The following DLG1 variants were observed in gnomAD, a reference collection of about 807,000 sequenced individuals.
The protein encoded by DLG1 is disks large homolog 1.
In DLG1, 42 loss-of-function variants were observed where a neutral mutation model predicts 123.4. That is an observed-to-expected ratio of 0.34 (90% confidence interval 0.27 to 0.44). The LOEUF is 0.44. DLG1 is among the 20% of genes least tolerant of loss of function. DLG1 has a pLI of 1.00. For missense variants in DLG1, 942 were observed against 1,082.6 expected, an observed-to-expected ratio of 0.87 and a Z score of 1.82; for synonymous variants, 317 against 356.2, an observed-to-expected ratio of 0.89 and a Z score of 1.24.
At chr3:197,113,291 T>A (rs570181848) in intron 13 of DLG1, among the ~76,000 whole-genome samples, 1 of 152,304 alleles carries the variant, frequency 6.6e-6, no homozygotes, top group South Asian at 2.1e-4. Flanking sequence ...CTATACAACA[T>A]GAAGTAAGAA....
At chr3:197,182,144 A>ATAT (rs200400367) in intron 5 of DLG1, among the ~76,000 whole-genome samples, 74 of 150,684 alleles carry the variant, frequency 4.9e-4, no homozygotes, top group Middle Eastern at 6.9e-3. Flanking sequence ...TATATATATA[A>ATAT]AAAGTTCTAA....
At chr3:197,223,658 T>C (rs554484359) in intron 4 of DLG1, among the ~76,000 whole-genome samples, 1 of 152,332 alleles carries the variant, frequency 6.6e-6, no homozygotes, top group African/African-American at 2.4e-5. Flanking sequence ...GAAAATAAAC[T>C]TTTTGCACAG....
At chr3:197,236,304 T>G (rs1235126202) in intron 4 of DLG1, among the ~76,000 whole-genome samples, 2 of 151,712 alleles carry the variant, frequency 1.3e-5, no homozygotes, top group African/African-American at 4.9e-5. Context: ...CAGAGTGAGA[T>G]CCTGTCTCAA....
chr3:197,273,232 AT>A (rs1207219287), intron 4 of DLG1, among the ~76,000 whole-genome samples: 10 of 138,874 alleles, frequency 7.2e-5, no homozygotes, highest in African/African-American at 2.8e-4. Context: ...ATATATATAT[AT>A]TTTTTTCTTT....
chr3:197,238,202 T>C (rs890504038), intron 4 of DLG1, among the ~76,000 whole-genome samples: 1 of 152,134 alleles, frequency 6.6e-6, no homozygotes, highest in Non-Finnish European at 1.5e-5. Context: ...AGGGTTTAAA[T>C]AAGATCTAGC....
intron 5 of DLG1, among the ~76,000 whole-genome samples, chr3:197,173,965 C>T (rs575024357): frequency 6.6e-6 from 1 of 152,162 alleles, no homozygotes. Context: ...CATCTGTAAT[C>T]CCAGCTACTT....
chr3:197,194,629 C>G, intron 4 of DLG1, 40 bp from the exon 5 acceptor site: 1 of 1,460,366 alleles, frequency 6.8e-7, no homozygotes. Flanking sequence ...TGATAAGCAA[C>G]ATGAGTTTAA....
intron 4 of DLG1, among the ~76,000 whole-genome samples, chr3:197,261,083 A>G (rs1014216401): frequency 1.3e-5 from 2 of 152,250 alleles, no homozygotes; most frequent in Non-Finnish European, 2.9e-5. Flanking sequence ...CCACAAAAAG[A>G]TAGTTACAAC....
chr3:197,177,889 G>A (rs527448230), intron 5 of DLG1, among the ~76,000 whole-genome samples: 2 of 152,156 alleles, frequency 1.3e-5, no homozygotes, highest in Non-Finnish European at 2.9e-5. Flanking sequence ...AGTGTGATGC[G>A]CGCTTCACAG....
At chr3:197,104,708 A>G (rs1422107115) in intron 14 of DLG1, among the ~76,000 whole-genome samples, 195 bp downstream of exon 14, 1 of 152,060 alleles carries the variant, frequency 6.6e-6, no homozygotes, top group African/African-American at 2.4e-5. Context: ...AAAACCAAAA[A>G]AAACCAAAAA....
intron 4 of DLG1, among the ~76,000 whole-genome samples, chr3:197,228,958 G>A (rs1184786937): frequency 6.6e-6 from 1 of 152,148 alleles, no homozygotes; most frequent in Non-Finnish European, 1.5e-5. Flanking sequence ...ATGCTGTATA[G>A]AGACAAAGGT....
intron 4 of DLG1, among the ~76,000 whole-genome samples, chr3:197,217,680 A>G (rs557095568): frequency 9.3e-4 from 141 of 152,372 alleles, no homozygotes; most frequent in Non-Finnish European, 1.7e-3. Context: ...AGACTTAAAA[A>G]TAGAACATAT....
intron 3 of DLG1, among the ~76,000 whole-genome samples, chr3:197,286,746 G>A (rs1772050424): frequency 6.6e-6 from 1 of 152,086 alleles, no homozygotes; most frequent in Non-Finnish European, 1.5e-5. Context: ...ACTAATGCAA[G>A]GTTTGTTTTT....
intron 14 of DLG1, among the ~76,000 whole-genome samples, chr3:197,099,018 A>G (rs986700752): frequency 2.0e-5 from 3 of 152,082 alleles, no homozygotes; most frequent in East Asian, 1.9e-4. Context: ...CATTTTACCT[A>G]TCCTGTGTAT....
chr3:197,089,469 G>A (rs935353027), intron 15 of DLG1, among the ~76,000 whole-genome samples: 1 of 151,556 alleles, frequency 6.6e-6, no homozygotes, highest in African/African-American at 2.4e-5. Flanking sequence ...TGAGGCTACA[G>A]TGAGCTGAGA....
At chr3:197,135,471 C>A (rs1314704748) in intron 10 of DLG1, among the ~76,000 whole-genome samples, 1 of 152,196 alleles carries the variant, frequency 6.6e-6, no homozygotes, top group Admixed American at 6.5e-5. Context: ...TTCCCCCACC[C>A]TCCACCATGA....
intron 5 of DLG1, among the ~76,000 whole-genome samples, chr3:197,173,243 T>C (rs1287219543): frequency 2.0e-5 from 3 of 152,204 alleles, no homozygotes; most frequent in Non-Finnish European, 4.4e-5. Flanking sequence ...GAATATTTTG[T>C]TGAAATGAAA....
At chr3:197,181,417 G>A (rs916386075) in intron 5 of DLG1, among the ~76,000 whole-genome samples, 4 of 152,022 alleles carry the variant, frequency 2.6e-5, no homozygotes, top group African/African-American at 9.7e-5. Context: ...ATATTCATAG[G>A]TATATATTAT....
rs1297123704 is a variant in DLG1 at position 197,210,247 on chromosome 3, A to T, written c.319-15658T>A. The stretch of plus-strand genomic sequence containing the variant: ...TAAGGATCCACCTTGAGAAGCTATA[A>T]AAAAAAAAAAAGACTAAGTAAAGTA... On this transcript the variant is annotated intron_variant, in intron 4 of 24. Transcript: ENST00000667157. 3.6e-5 allele frequency among the ~76,000 whole-genome samples: 5 copies of T among 139,844 alleles called. 1 individual carries two copies. The highest frequency in any genetic ancestry group is 8.0e-5 in the Non-Finnish European group (5 of 62,534). 91.7% of individuals were successfully genotyped at this position (139,844 alleles called of 152,430 possible). A position where few individuals can be genotyped will look rare whatever the true frequency, so the allele number is the denominator to read the frequency against.
Sources: gnomAD v4.1 joint callset for allele counts (sites outside exome capture counted in the v4.1 genomes callset) on GRCh38, gnomAD v4.1.1 for gene constraint, MANE v1.5 for transcripts, NCBI Gene and HGNC (gene_info 2026-07-23, HGNC 2026-07-21) for gene names.